Variants in LPAR6 observed in about 807,000 individuals in gnomAD.
LPAR6 encodes lysophosphatidic acid receptor 6.
A neutral mutation model predicts 22.0 loss-of-function variants in LPAR6; 17 were observed. The ratio of observed to expected loss-of-function variants is 0.77; its 90% confidence interval spans 0.53 to 1.16. The LOEUF (loss-of-function observed/expected upper bound fraction) is 1.16, where lower values mean the gene tolerates loss of function less well. Ranked by LOEUF, LPAR6 falls within the 50% of genes most tolerant of loss-of-function variation. The pLI, the probability that LPAR6 is intolerant of heterozygous loss-of-function variation, is 0.00. For synonymous variants in LPAR6, 136 were observed against 139.8 expected (o/e 0.97, Z 0.19); for missense variants, 384 against 406.9 (o/e 0.94, Z 0.48).
chr13:48,404,979 A>C (rs1265028728), intron 1 of LPAR6, among the ~76,000 whole-genome samples: 2 of 152,232 alleles, frequency 1.3e-5, no homozygotes, highest in East Asian at 3.8e-4. Flanking sequence ...ATATGACAGC[A>C]AAATGAAATT....
chr13:48,407,742 T>C (rs1948752776), downstream of LPAR6, among the ~76,000 whole-genome samples: 1 of 152,216 alleles, frequency 6.6e-6, no homozygotes, highest in Non-Finnish European at 1.5e-5. Flanking sequence ...AATTCAGTTT[T>C]CAGGAAAGCC....
upstream of LPAR6, among the ~76,000 whole-genome samples, chr13:48,427,161 A>C (rs1296089100): frequency 1.3e-5 from 2 of 151,008 alleles, no homozygotes; most frequent in Non-Finnish European, 3.0e-5. Context: ...AGCACACTTC[A>C]ACACGAGTCA....
chr13:48,399,191 C>A (rs774864621), intron 1 of LPAR6, among the ~76,000 whole-genome samples: 1 of 152,008 alleles, frequency 6.6e-6, no homozygotes, highest in South Asian at 2.1e-4. Flanking sequence ...AGATTGTTTT[C>A]GTAGACTGAA....
At position 48,434,560 on chromosome 13, in the gene LPAR6, CTT is replaced by C. The variant is rs755310518; in HGVS notation, c.-1474+9991_-1474+9992del. Among the ~76,000 whole-genome samples, 85 of 152,248 alleles carry C rather than the reference CTT, an allele frequency of 5.6e-4. 1 individual carries two copies. The highest frequency in any genetic ancestry group is 1.7e-3 in the South Asian group (8 of 4,818). ...AAAAACACCCTGGCCCAGGAAGTCT[CTT>C]TAACCCTACAGCCGAGACTCTTTCT... On this transcript the variant is annotated intron_variant, in intron 1 of 6. Transcript: ENST00000378434.
intron 1 of LPAR6, among the ~76,000 whole-genome samples, chr13:48,439,971 C>T (rs1046654588): frequency 1.3e-5 from 2 of 152,012 alleles, no homozygotes; most frequent in African/African-American, 4.8e-5. Flanking sequence ...TACATGCATA[C>T]ATATATACAT....
At chr13:48,437,387 G>A (rs1001899393) in intron 1 of LPAR6, among the ~76,000 whole-genome samples, 1 of 152,092 alleles carries the variant, frequency 6.6e-6, no homozygotes, top group African/African-American at 2.4e-5. Flanking sequence ...AGTTAAAAAA[G>A]ATCAATTGCT....
intron 1 of LPAR6, among the ~76,000 whole-genome samples, chr13:48,434,741 T>C (rs1949165608): frequency 1.3e-5 from 2 of 152,218 alleles, no homozygotes; most frequent in African/African-American, 2.4e-5. Flanking sequence ...TCTCTACCCC[T>C]GTCCCTAACA....
chr13:48,393,144 T>G (rs1948623805), intron 1 of LPAR6, among the ~76,000 whole-genome samples: 1 of 152,202 alleles, frequency 6.6e-6, no homozygotes, highest in Non-Finnish European at 1.5e-5. Context: ...AGGATTCTAC[T>G]CCTTCCCATG....
intron 2 of LPAR6, among the ~76,000 whole-genome samples, chr13:48,422,041 A>C (rs973497474): frequency 6.6e-6 from 1 of 152,158 alleles, no homozygotes; most frequent in South Asian, 2.1e-4. Context: ...GATTATAAAT[A>C]ATTCTAATAT....
upstream of LPAR6, among the ~76,000 whole-genome samples, chr13:48,414,953 A>C (rs1043662681): frequency 3.3e-5 from 5 of 152,112 alleles, no homozygotes; most frequent in African/African-American, 1.2e-4. Flanking sequence ...TTGTATTCTC[A>C]TTGGAAAAAA....
intron 1 of LPAR6, among the ~76,000 whole-genome samples, chr13:48,399,673 A>C (rs1433390658): frequency 6.6e-6 from 1 of 152,084 alleles, no homozygotes; most frequent in African/African-American, 2.4e-5. Context: ...GAGATAACTT[A>C]TAAATCAATG....
chr13:48,392,954 A>G (rs1206452152), intron 1 of LPAR6, among the ~76,000 whole-genome samples: 1 of 152,074 alleles, frequency 6.6e-6, no homozygotes, highest in Non-Finnish European at 1.5e-5. Flanking sequence ...GGCTTCATTT[A>G]TTTATTTATC....
At chr13:48,429,706 C>T (rs891199464), upstream of LPAR6, among the ~76,000 whole-genome samples, 4 of 152,090 alleles carry the variant, frequency 2.6e-5, no homozygotes, top group African/African-American at 7.2e-5. Context: ...AAAATGATTT[C>T]CTGCTTAGCT....
At chr13:48,430,676 G>T (rs1311363903), upstream of LPAR6, among the ~76,000 whole-genome samples, 6 of 152,082 alleles carry the variant, frequency 3.9e-5, no homozygotes, top group African/African-American at 1.4e-4. Flanking sequence ...GGGGGCGGAG[G>T]TTGCAGTGAG....
intron 1 of LPAR6, among the ~76,000 whole-genome samples, chr13:48,399,943 T>A (rs1593468100): frequency 6.6e-6 from 1 of 151,996 alleles, no homozygotes; most frequent in Admixed American, 6.6e-5. Flanking sequence ...ATGTCACTCC[T>A]CCCCACCACA....
At chr13:48,414,888 A>C (rs1948881742), upstream of LPAR6, among the ~76,000 whole-genome samples, 1 of 152,224 alleles carries the variant, frequency 6.6e-6, no homozygotes, top group African/African-American at 2.4e-5. Flanking sequence ...TGTTCTTATT[A>C]GAAGGCTGGT....
At chr13:48,435,353 G>A (rs758407288) in intron 1 of LPAR6, among the ~76,000 whole-genome samples, 2 of 152,054 alleles carry the variant, frequency 1.3e-5, no homozygotes, top group Non-Finnish European at 2.9e-5. Context: ...GTTTATTTGT[G>A]ACCTGTATTT....
chr13:48,426,540 G>A (rs1949081746), intron 1 of LPAR6: 1 of 152,212 alleles, frequency 6.6e-6, no homozygotes, highest in Admixed American at 6.5e-5. Flanking sequence ...GTTGGAGCTA[G>A]CACTGGATCC....
upstream of LPAR6, chr13:48,413,130 G>C (rs116813803): frequency 6.0e-6 from 1 of 167,066 alleles, no homozygotes; most frequent in Non-Finnish European, 1.5e-5. Context: ...AAAAAGAAAG[G>C]CTTCCTAGAT....
Sources: gnomAD v4.1 joint callset for allele counts (sites outside exome capture counted in the v4.1 genomes callset) on GRCh38, gnomAD v4.1.1 for gene constraint, MANE v1.5 for transcripts, NCBI Gene and HGNC (gene_info 2026-07-23, HGNC 2026-07-21) for gene names.